Variants in LINGO3 observed in about 807,000 individuals in gnomAD.
LINGO3 encodes the protein leucine-rich repeat and immunoglobulin-like domain-containing nogo receptor-interacting protein 3.
For missense variants in LINGO3, 750 were observed against 867.7 expected, an observed-to-expected ratio of 0.86 and a Z score of 1.70; for synonymous variants, 427 against 444.2, an observed-to-expected ratio of 0.96 and a Z score of 0.49.
At chr19:2,306,523 T>C in the LINGO3 span, among the ~76,000 whole-genome samples, 1 of 152,178 alleles carries the variant, frequency 6.6e-6, no homozygotes, top group Admixed American at 6.5e-5. Context: ...AGGTCCCGGC[T>C]TACCCTGGGG....
At chr19:2,292,596 T>C (rs111977044), upstream of LINGO3, among the ~76,000 whole-genome samples, 1,490 of 151,044 alleles carry the variant, frequency 9.9e-3, 19 homozygotes, top group African/African-American at 0.034. Flanking sequence ...TTCAAGCAAT[T>C]CTCCTGCCTC....
exon 1 of LINGO3, chr19:2,291,788 T>G: frequency 7.0e-7 from 1 of 1,430,232 alleles, no homozygotes; most frequent in South Asian, 1.4e-5. Flanking sequence ...GTGCGGAGCG[T>G]GGGCCTAGGG....
At chr19:2,295,365 A>G (rs1384965334), upstream of LINGO3, among the ~76,000 whole-genome samples, 1 of 152,132 alleles carries the variant, frequency 6.6e-6, no homozygotes, top group Non-Finnish European at 1.5e-5. Flanking sequence ...AGAGTCAGAA[A>G]GGGTCTCCCC....
exon 1 of LINGO3, chr19:2,291,417 C>A (rs1448916368): frequency 6.2e-7 from 1 of 1,613,280 alleles, no homozygotes; most frequent in Non-Finnish European, 8.5e-7. Context: ...GCGTGAAGAC[C>A]CCGGGCGGGA....
At chr19:2,296,787 G>A (rs1324385915), upstream of LINGO3, among the ~76,000 whole-genome samples, 1 of 149,594 alleles carries the variant, frequency 6.7e-6, no homozygotes, top group Non-Finnish European at 1.5e-5. Context: ...GCAAGACCCT[G>A]TTTTTAAAAA....
At chr19:2,308,060 C>T in the LINGO3 span, among the ~76,000 whole-genome samples, 3 of 150,324 alleles carry the variant, frequency 2.0e-5, no homozygotes, top group Non-Finnish European at 4.4e-5. Context: ...CGCCGGGCCC[C>T]GGCACGGCCA....
chr19:2,305,573 C>T, the LINGO3 span, among the ~76,000 whole-genome samples: 1 of 152,156 alleles, frequency 6.6e-6, no homozygotes, highest in South Asian at 2.1e-4. Context: ...TGCAAGGTTA[C>T]CTCAAACACA....
At chr19:2,288,623 G>A (rs568878762), downstream of LINGO3, among the ~76,000 whole-genome samples, 23 of 152,300 alleles carry the variant, frequency 1.5e-4, 1 homozygote, top group South Asian at 4.4e-3. The surrounding 1 kb of genome is among the most constrained non-coding windows in gnomAD (Gnocchi z 6.5). Flanking sequence ...GGAGGGAGGC[G>A]GAGGGCTGGG....
At chr19:2,298,834 C>T in the LINGO3 span, among the ~76,000 whole-genome samples, 3 of 152,062 alleles carry the variant, frequency 2.0e-5, no homozygotes, top group African/African-American at 7.2e-5. Flanking sequence ...CCACCGCACC[C>T]GGCCCAAGAA....
At chr19:2,289,597 G>C (rs1431559698), downstream of LINGO3, among the ~76,000 whole-genome samples, 1 of 152,010 alleles carries the variant, frequency 6.6e-6, no homozygotes, top group Non-Finnish European at 1.5e-5. Context: ...AAAGGGCTGG[G>C]GGAGCGGAAG....
chr19:2,306,582 A>C, the LINGO3 span, among the ~76,000 whole-genome samples: 2 of 152,320 alleles, frequency 1.3e-5, no homozygotes, highest in South Asian at 4.1e-4. Context: ...TGCCGTAACC[A>C]TCGTGACCTG....
the LINGO3 span, among the ~76,000 whole-genome samples, chr19:2,297,304 C>G: frequency 4.3e-5 from 5 of 116,814 alleles, no homozygotes; most frequent in African/African-American, 1.8e-4. Context: ...CCCTCCCCCC[C>G]TTTTTTTTTT....
At chr19:2,305,653 G>C in the LINGO3 span, among the ~76,000 whole-genome samples, 2 of 152,180 alleles carry the variant, frequency 1.3e-5, no homozygotes, top group African/African-American at 4.8e-5. Context: ...CCTAGAGGCC[G>C]GCCAAACCCA....
the LINGO3 span, among the ~76,000 whole-genome samples, chr19:2,300,032 T>TTTC: frequency 6.9e-6 from 1 of 145,610 alleles, no homozygotes; most frequent in Non-Finnish European, 1.5e-5. Flanking sequence ...TCTTTTTTTT[T>TTTC]TTTTTTTTTT....
chr19:2,290,408 C>T lies in LINGO3; in HGVS notation c.1369G>A (p.Ala457Thr). ...AGCGTCCCCCCGGGGAGCACGCGCGCCCGGCCCGCGCTGGTGGCCGTCACC... is the reference window on the plus strand; with the variant it reads ...AGCGTCCCCCCGGGGAGCACGCGCGTCCGGCCCGCGCTGGTGGCCGTCACC... Residue 457 changes from alanine to threonine, a missense_variant, in exon 1 of 1, where the codon GCG becomes ACG. Coordinates refer to ENST00000585527, the Ensembl canonical transcript of LINGO3. The surrounding 1 kb of genome is among the most constrained non-coding windows in gnomAD (Gnocchi z 6.0). 1 of 1,427,612 alleles carries T rather than the reference C, an allele frequency of 7.0e-7. No homozygotes were observed. The highest frequency in any genetic ancestry group is 9.1e-7 in the Non-Finnish European group (1 of 1,098,120). 88.4% of individuals were successfully genotyped at this position (1,427,612 alleles called of 1,614,324 possible). A position where few individuals can be genotyped will look rare whatever the true frequency, so the allele number is the denominator to read the frequency against.
exon 1 of LINGO3, chr19:2,289,786 G>C: frequency 2.4e-6 from 1 of 412,734 alleles, no homozygotes; most frequent in Non-Finnish European, 4.4e-6. Context: ...ACAGGAAGAC[G>C]GGTTGAAATC....
In LINGO3 at chr19:2,291,486, G is replaced by C. The variant is rs751932548; in HGVS notation, c.291C>G (p.Ala97=). ...CGCGCAGGCGCGGCAGGTTGGCGAA[G>C]GCGCCGGGCTCCACGTGCGCGATGG... The change falls in exon 1 of 1, where the codon GCC becomes GCG. Residue 97 remains alanine, a synonymous_variant. Transcript: ENST00000585527. 6.8e-6 allele frequency: 11 copies of C among 1,612,124 alleles called. No homozygotes were observed. In the African/African-American group the frequency reaches 1.1e-4, roughly 16 times the overall value.
chr19:2,301,653 G>C, the LINGO3 span, among the ~76,000 whole-genome samples: 1 of 152,138 alleles, frequency 6.6e-6, no homozygotes, highest in Admixed American at 6.5e-5. Context: ...CCCGGGGCTG[G>C]GTGCGGTGGC....
chr19:2,290,432 C>G lies in LINGO3; in HGVS notation c.1345G>C (p.Val449Leu), dbSNP rs1359206385. ...GCCCGGCCCGCGCTGGTGGCCGTCA[C>G]CGGCCGGTGCTGGGGGGTCACCCAG... The change falls in exon 1 of 1, where the codon GTG (valine) becomes CTG (leucine). Residue 449 changes from valine to leucine, a missense_variant. Transcript: ENST00000585527. This position sits in a 1 kb window ranked among gnomAD's most constrained non-coding sequence, Gnocchi z 6.0. 1 of 1,413,528 alleles carries G rather than the reference C, an allele frequency of 7.1e-7. No individual in the cohort carries two copies. The highest frequency in any genetic ancestry group is 9.2e-7 in the Non-Finnish European group (1 of 1,092,874). The allele number at this position is 1,413,528 out of a possible 1,614,324, so 87.6% of individuals were successfully genotyped here.
Sources: allele counts gnomAD v4.1 joint callset (sites outside exome capture counted in the v4.1 genomes callset), GRCh38; gene constraint gnomAD v4.1.1; non-coding constraint Gnocchi (gnomAD v3.1); transcripts MANE v1.5; gene names NCBI Gene and HGNC (gene_info 2026-07-23, HGNC 2026-07-21).